RASAL2: variants seen among roughly 807,000 people sequenced by gnomAD.
RASAL2 encodes the protein ras GTPase-activating protein nGAP.
A neutral mutation model predicts 128.9 loss-of-function variants in RASAL2; 58 were observed. The ratio of observed to expected loss-of-function variants is 0.45; its 90% CI spans 0.36 to 0.56. RASAL2 has a LOEUF of 0.56. RASAL2 is among the 20% of genes least tolerant of loss of function. RASAL2 has a pLI of 0.00. For synonymous variants in RASAL2, 561 were observed against 580.8 expected, an observed-to-expected ratio of 0.97 and a Z score of 0.49; for missense variants, 1,360 against 1,601.6, an observed-to-expected ratio of 0.85 and a Z score of 2.57.
At chr1:178,187,089 A>G (rs938360277) in intron 1 of RASAL2, among the ~76,000 whole-genome samples, 1 of 152,086 alleles carries the variant, frequency 6.6e-6, no homozygotes, top group Non-Finnish European at 1.5e-5. Context: ...CGGCCTCCCA[A>G]AGTGCTGGGA....
chr1:178,454,515 A>G lies in RASAL2; in HGVS notation c.2078A>G (p.Lys693Arg). 1 of 1,613,682 alleles carries G rather than the reference A, an allele frequency of 6.2e-7. No homozygotes were observed. Among genetic ancestry groups the G allele is most frequent in the Non-Finnish European group, 8.5e-7 (1 of 1,179,638 alleles). The change falls in exon 12 of 18, where the codon AAG becomes AGG. Residue 693 changes from lysine (K) to arginine (R), a missense_variant. Coordinates refer to ENST00000367649, the MANE Select transcript of RASAL2 (RefSeq NM_170692.4). The part of the protein sequence containing the change: ...DFLEHEWGGM[K>R]RFLLEISNPD... ...TTAGAACATGAATGGGGTGGAATGA[A>G]GCGCTTTCTTTTGGAGATCTCTAAT...
chr1:178,216,957 A>G (rs1663440813), intron 1 of RASAL2, among the ~76,000 whole-genome samples: 1 of 151,870 alleles, frequency 6.6e-6, no homozygotes, highest in Non-Finnish European at 1.5e-5. Context: ...ATTTTTTTTA[A>G]GTAGATTTTA....
intron 1 of RASAL2, among the ~76,000 whole-genome samples, chr1:178,237,297 G>A (rs1159905934): frequency 1.3e-5 from 2 of 151,998 alleles, no homozygotes; most frequent in Non-Finnish European, 1.5e-5. Flanking sequence ...GAACTTGAGA[G>A]CATCGCTTCA....
chr1:178,381,165 C>T (rs751640402), intron 3 of RASAL2, among the ~76,000 whole-genome samples: 3 of 152,020 alleles, frequency 2.0e-5, no homozygotes, highest in Non-Finnish European at 4.4e-5. Context: ...GATTTTTTTC[C>T]TAATGTCTGA....
intron 12 of RASAL2, among the ~76,000 whole-genome samples, chr1:178,455,628 G>A (rs1677719627): frequency 6.6e-6 from 1 of 152,186 alleles, no homozygotes; most frequent in Non-Finnish European, 1.5e-5. Flanking sequence ...AGAAATGCTA[G>A]CTAGATTTTT....
At chr1:178,372,481 T>C (rs1218783225) in intron 3 of RASAL2, among the ~76,000 whole-genome samples, 11 of 152,176 alleles carry the variant, frequency 7.2e-5, no homozygotes, top group African/African-American at 2.7e-4. Flanking sequence ...CAAATTTTGT[T>C]TGTCTGTAGA....
rs1157538579 is a variant in RASAL2, at chr1:178,478,311, A to G, written c.*5072A>G. 2 of 152,196 alleles carry G rather than the reference A, an allele frequency of 1.3e-5. No individual in the cohort carries two copies. Among genetic ancestry groups the G allele is most frequent in the Non-Finnish European group, 2.9e-5 (2 of 68,030 alleles). The allele number at this position is 152,196 out of a possible 1,614,324, so 9.4% of individuals were successfully genotyped here. ...TGATTTCCAAATTTTCGAGGGAAAC[A>G]TTTCAATTCCCAGTTCAACAAAAGG... On this transcript the variant is annotated 3_prime_UTR_variant, in exon 18 of 18. Coordinates refer to ENST00000367649, the MANE Select transcript of RASAL2 (RefSeq NM_170692.4).
chr1:178,269,522 A>G (rs1435822590), intron 1 of RASAL2, among the ~76,000 whole-genome samples: 1 of 152,166 alleles, frequency 6.6e-6, no homozygotes, highest in African/African-American at 2.4e-5. Context: ...TCAGCACAAA[A>G]TACAGGTCAT....
intron 1 of RASAL2, among the ~76,000 whole-genome samples, chr1:178,180,781 C>T (rs750720972): frequency 1.9e-4 from 29 of 149,548 alleles, no homozygotes; most frequent in Non-Finnish European, 3.6e-4. Context: ...AATTTTTATG[C>T]ACAAAATACT....
intron 1 of RASAL2, among the ~76,000 whole-genome samples, chr1:178,138,930 A>G (rs1660433426): frequency 2.0e-5 from 3 of 152,106 alleles, no homozygotes. Context: ...TGATTTATTT[A>G]TAATTTTAAG....
intron 11 of RASAL2, among the ~76,000 whole-genome samples, chr1:178,453,523 T>A (rs546970849): frequency 6.6e-6 from 1 of 152,096 alleles, no homozygotes; most frequent in Non-Finnish European, 1.5e-5. Flanking sequence ...TTTCTGTAGG[T>A]TTAAAATTTT....
At chr1:178,277,974 A>G (rs930023468) in intron 1 of RASAL2, among the ~76,000 whole-genome samples, 5 of 152,176 alleles carry the variant, frequency 3.3e-5, no homozygotes, top group African/African-American at 4.8e-5. Flanking sequence ...GTGAGACATC[A>G]CCCAGAGTTG....
intron 3 of RASAL2, among the ~76,000 whole-genome samples, chr1:178,360,265 G>A (rs1671038476): frequency 6.6e-6 from 1 of 152,134 alleles, no homozygotes; most frequent in Non-Finnish European, 1.5e-5. Context: ...ATTGGAGTAG[G>A]GAGACAGGAT....
chr1:178,456,464 C>T (rs1014204177), intron 12 of RASAL2: 10 of 543,264 alleles, frequency 1.8e-5, no homozygotes, highest in Non-Finnish European at 3.0e-5. Flanking sequence ...TTAATTTTTA[C>T]TTGCATAATC....
rs1037908933 is a variant in RASAL2, at chr1:178,287,066, C to A, written c.330+3375C>A. 2.6e-5 allele frequency among the ~76,000 whole-genome samples: 4 copies of A among 152,162 alleles called. No individual in the cohort carries two copies. The South Asian group carries it at 8.3e-4, about 32-fold the overall frequency. Reference sequence around the variant, plus strand: ...ATAAAGCCTCTGATGTCCTCTCTCTCCCCTGAGTTCCATGGTCAGTCATTC... The same window carrying A: ...ATAAAGCCTCTGATGTCCTCTCTCTACCCTGAGTTCCATGGTCAGTCATTC... On this transcript the variant is annotated intron_variant, in intron 2 of 17. Coordinates refer to ENST00000367649, the MANE Select transcript of RASAL2 (RefSeq NM_170692.4).
chr1:178,371,784 G>A (rs992243424), intron 3 of RASAL2, among the ~76,000 whole-genome samples: 10 of 152,164 alleles, frequency 6.6e-5, no homozygotes, highest in African/African-American at 2.4e-4. Context: ...CTTTGTTTTT[G>A]TTTGATATTT....
intron 3 of RASAL2, among the ~76,000 whole-genome samples, chr1:178,357,892 T>C (rs12727289): frequency 0.23 from 34,347 of 151,624 alleles, 6,778 homozygotes; most frequent in African/African-American, 0.54. Context: ...TTAAGAGTTG[T>C]GGTTGGGGTT....
intron 1 of RASAL2, among the ~76,000 whole-genome samples, chr1:178,096,828 G>T (rs186605989): frequency 6.6e-6 from 1 of 151,904 alleles, no homozygotes; most frequent in Admixed American, 6.6e-5. Context: ...GCTCATCCTG[G>T]ATACTATTTT....
intron 3 of RASAL2, among the ~76,000 whole-genome samples, chr1:178,363,144 C>T (rs954635757): frequency 5.9e-5 from 9 of 152,082 alleles, no homozygotes; most frequent in Non-Finnish European, 1.2e-4. Context: ...TACAAGGGTT[C>T]CCTTTTCCTC....
Sources: allele counts gnomAD v4.1 joint callset (sites outside exome capture counted in the v4.1 genomes callset), GRCh38; gene constraint gnomAD v4.1.1; transcripts MANE v1.5; gene names NCBI Gene and HGNC (gene_info 2026-07-23, HGNC 2026-07-21).